Variants in SHLD1 observed in about 807,000 individuals in gnomAD.
The protein encoded by SHLD1 is RINN1-REV7-interacting novel NHEJ regulator 3.
In SHLD1, 3 loss-of-function variants were observed where a neutral mutation model predicts 5.5. The ratio of observed to expected loss-of-function variants is 0.54; its 90% CI spans 0.25 to 1.40. The LOEUF is 1.40. Among genes scored for constraint, SHLD1 ranks in the 40% most tolerant of loss-of-function variants. The pLI is 0.15. For synonymous variants in SHLD1, 92 were observed against 94.3 expected (o/e 0.98, Z 0.14); for missense variants, 210 against 244.4 (o/e 0.86, Z 0.94).
chr20:5,800,885 GA>G (rs2087284024), intron 2 of SHLD1, among the ~76,000 whole-genome samples: 2 of 152,084 alleles, frequency 1.3e-5, no homozygotes, highest in Admixed American at 6.5e-5. Flanking sequence ...TGAAAAGGAA[GA>G]AGAGGTGATG....
chr20:5,863,904 A>G lies in SHLD1; in HGVS notation c.*441A>G, dbSNP rs1406596496. 6.4e-6 allele frequency: 1 copy of G among 155,770 alleles called. No homozygotes were observed. Among genetic ancestry groups the G allele is most frequent in the Non-Finnish European group, 1.4e-5 (1 of 70,752 alleles). 9.6% of individuals were successfully genotyped at this position (155,770 alleles called of 1,614,324 possible). A position where few individuals can be genotyped will look rare whatever the true frequency, so the allele number is the denominator to read the frequency against. ...GGAGCCTTTCCTTAATAAACCTCTT[A>G]TATCTGAATCCTTGACTCAGAGTCT... On this transcript the variant is annotated 3_prime_UTR_variant, in exon 3 of 3. Transcript: ENST00000303142.
chr20:5,848,267 T>C (rs1287073), intron 2 of SHLD1, among the ~76,000 whole-genome samples: 151,552 of 152,324 alleles, frequency 0.99, 75,403 homozygotes, highest in East Asian at 1. Context: ...GGGCTGGGCA[T>C]GGTGGCTCAT....
chr20:5,820,456 C>T (rs1212472103), intron 2 of SHLD1, among the ~76,000 whole-genome samples: 1 of 152,200 alleles, frequency 6.6e-6, no homozygotes, highest in African/African-American at 2.4e-5. Context: ...GTGCTAGCCC[C>T]TGGGGATGAA....
chr20:5,820,809 G>C (rs2087597844), intron 2 of SHLD1, among the ~76,000 whole-genome samples: 1 of 152,070 alleles, frequency 6.6e-6, no homozygotes, highest in Non-Finnish European at 1.5e-5. Context: ...CTTTAGCTTG[G>C]GCCTTTGATT....
At chr20:5,755,576 TG>T in intron 1 of SHLD1, among the ~76,000 whole-genome samples, 1 of 152,090 alleles carries the variant, frequency 6.6e-6, no homozygotes, top group African/African-American at 2.4e-5. Context: ...TTTTTTTTTT[TG>T]AGATGGAGTT....
intron 1 of SHLD1, among the ~76,000 whole-genome samples, chr20:5,750,810 C>G (rs948880059): frequency 2.0e-5 from 3 of 151,950 alleles, no homozygotes; most frequent in Non-Finnish European, 4.4e-5. Flanking sequence ...TATTCACCTA[C>G]TAAGTAAAAT....
chr20:5,811,822 C>T (rs1191127243), intron 2 of SHLD1, among the ~76,000 whole-genome samples: 5 of 151,586 alleles, frequency 3.3e-5, no homozygotes, highest in Non-Finnish European at 7.4e-5. Context: ...TGCCACTGCA[C>T]TCCAGCCTGG....
intron 2 of SHLD1, among the ~76,000 whole-genome samples, chr20:5,805,386 A>G (rs2087359421): frequency 6.6e-6 from 1 of 151,982 alleles, no homozygotes; most frequent in South Asian, 2.1e-4. Flanking sequence ...TGAACTCCAG[A>G]CCTCAGGTGA....
At chr20:5,801,490 T>G (rs536469534) in intron 2 of SHLD1, among the ~76,000 whole-genome samples, 1 of 152,320 alleles carries the variant, frequency 6.6e-6, no homozygotes, top group African/African-American at 2.4e-5. Context: ...TCAAGTATCC[T>G]ACTCACAGTT....
At chr20:5,840,239 C>T (rs924228809) in intron 2 of SHLD1, among the ~76,000 whole-genome samples, 6 of 152,174 alleles carry the variant, frequency 3.9e-5, no homozygotes, top group Admixed American at 1.3e-4. Flanking sequence ...GAACAAGTTT[C>T]GTAATCTCTG....
intron 1 of SHLD1, among the ~76,000 whole-genome samples, chr20:5,761,190 A>G (rs552839735): frequency 1.7e-3 from 257 of 152,176 alleles, no homozygotes; most frequent in African/African-American, 5.8e-3. Context: ...CTCACTCATA[A>G]GTGGGAGTTG....
chr20:5,851,830 A>C (rs578236313), intron 2 of SHLD1, among the ~76,000 whole-genome samples: 1 of 151,938 alleles, frequency 6.6e-6, no homozygotes, highest in African/African-American at 2.4e-5. Context: ...GGCATTTTTA[A>C]ATTTTTAATT....
At chr20:5,813,945 CTTTTTTTT>C (rs143110037) in intron 2 of SHLD1, among the ~76,000 whole-genome samples, 18 of 79,974 alleles carry the variant, frequency 2.3e-4, no homozygotes, top group African/African-American at 4.2e-4. Flanking sequence ...CCTTTTCTTT[CTTTTTTTT>C]TTTTTTTTTT....
intron 2 of SHLD1, among the ~76,000 whole-genome samples, chr20:5,789,109 C>T (rs187161366): frequency 9.4e-4 from 141 of 150,674 alleles, no homozygotes; most frequent in African/African-American, 3.1e-3. Context: ...GCCTGGGAGA[C>T]AGAGAGAGTG....
At chr20:5,774,893 T>C (rs1445710815) in intron 2 of SHLD1, among the ~76,000 whole-genome samples, 1 of 152,184 alleles carries the variant, frequency 6.6e-6, no homozygotes, top group African/African-American at 2.4e-5. Flanking sequence ...ACATCTTAGT[T>C]CCTTTAACCT....
intron 2 of SHLD1, among the ~76,000 whole-genome samples, chr20:5,861,434 AT>A (rs1415576589): frequency 6.6e-6 from 1 of 152,244 alleles, no homozygotes; most frequent in Non-Finnish European, 1.5e-5. Context: ...CCATCTGTCT[AT>A]CTTCAACAAC....
chr20:5,781,534 A>G (rs2086989238), intron 2 of SHLD1, among the ~76,000 whole-genome samples: 1 of 151,994 alleles, frequency 6.6e-6, no homozygotes, highest in South Asian at 2.1e-4. Context: ...CTGGAGTGCA[A>G]TGGTGCAATC....
intron 2 of SHLD1, among the ~76,000 whole-genome samples, chr20:5,823,667 C>T (rs1301567378): frequency 6.6e-6 from 1 of 151,998 alleles, no homozygotes; most frequent in Non-Finnish European, 1.5e-5. Flanking sequence ...AGGCTGGTCT[C>T]GAACTCCTGT....
intron 2 of SHLD1, among the ~76,000 whole-genome samples, chr20:5,788,482 G>A (rs1184148143): frequency 6.6e-6 from 1 of 152,220 alleles, no homozygotes; most frequent in Non-Finnish European, 1.5e-5. Context: ...GCTGCTCTGA[G>A]CCTAGGCCTG....
Sources: gnomAD v4.1 joint callset for allele counts (sites outside exome capture counted in the v4.1 genomes callset) on GRCh38, gnomAD v4.1.1 for gene constraint, MANE v1.5 for transcripts, NCBI Gene and HGNC (gene_info 2026-07-23, HGNC 2026-07-21) for gene names.